Variants in LRRFIP2 observed in about 807,000 individuals in gnomAD.
The protein encoded by LRRFIP2 is LRR binding FLII interacting protein 2.
A neutral mutation model predicts 125.9 loss-of-function variants in LRRFIP2; 109 were observed. That is an observed-to-expected ratio of 0.87 (90% CI 0.74 to 1.01). The LOEUF is 1.01. Ranked by LOEUF, LRRFIP2 falls within the 50% of genes least tolerant of loss-of-function variation. The pLI is 0.00. For synonymous variants in LRRFIP2, 291 were observed against 293.1 expected (o/e 0.99, Z 0.07); for missense variants, 850 against 862.3 (o/e 0.99, Z 0.18).
At chr3:37,071,494 T>C (rs1411874950) in intron 21 of LRRFIP2, among the ~76,000 whole-genome samples, 1 of 152,226 alleles carries the variant, frequency 6.6e-6, no homozygotes, top group African/African-American at 2.4e-5. Context: ...ATTCCAGGCA[T>C]GAGCCTACAA....
In LRRFIP2 at chr3:37,075,055, T is replaced by C; in HGVS notation, c.1340A>G (p.Glu447Gly). ...VLQHKMEELK[E>G]GLRQRDELIE... ...AAGCTCATCTCTTTGCCGCAGGCCTTCTTTAAGTTCTTCCATCTTATGCTG... is the reference window on the plus strand; with the variant it reads ...AAGCTCATCTCTTTGCCGCAGGCCTCCTTTAAGTTCTTCCATCTTATGCTG... Residue 447 changes from glutamate (E) to glycine (G), a missense_variant, in exon 20 of 28, where the codon GAA (glutamate) becomes GGA (glycine). Glu to Gly is a moderately conservative substitution (Grantham distance 98, BLOSUM62 -2). Transcript: ENST00000336686. 6.2e-7 allele frequency: 1 copy of C among 1,613,014 alleles called. No homozygotes were observed. Among genetic ancestry groups the C allele is most frequent in the Non-Finnish European group, 8.5e-7 (1 of 1,179,826 alleles).
At chr3:37,109,831 TTAAGGTAG>T (rs760656494) in intron 9 of LRRFIP2, 128 bp from the exon 10 acceptor site, 3 of 716,796 alleles carry the variant, frequency 4.2e-6, no homozygotes, top group Non-Finnish European at 4.7e-6. Flanking sequence ...TCCTGAGTGC[TTAAGGTAG>T]TTAAGAAACA....
chr3:37,109,386 C>T, intron 11 of LRRFIP2, 141 bp downstream of exon 11: 1 of 861,640 alleles, frequency 1.2e-6, no homozygotes, highest in Non-Finnish European at 1.9e-6. Context: ...ATTTTAAGCA[C>T]AGGCAGCACA....
intron 4 of LRRFIP2, among the ~76,000 whole-genome samples, chr3:37,126,630 G>A (rs535995343): frequency 2.0e-5 from 3 of 151,604 alleles, no homozygotes; most frequent in South Asian, 4.2e-4. Context: ...AGGCCGAGGC[G>A]GGCGGATCAC....
chr3:37,113,063 C>T (rs2094609686), intron 7 of LRRFIP2, 83 bp from the exon 8 acceptor site: 2 of 766,832 alleles, frequency 2.6e-6, no homozygotes, highest in Non-Finnish European at 4.5e-6. Flanking sequence ...AAATTATATA[C>T]ACAAAGGTCT....
intron 1 of LRRFIP2, among the ~76,000 whole-genome samples, chr3:37,167,216 A>G (rs2150357624): frequency 6.6e-6 from 1 of 151,568 alleles, no homozygotes; most frequent in Non-Finnish European, 1.5e-5. Flanking sequence ...AAAAAAAAGA[A>G]AGAAAGAAAG....
intron 6 of LRRFIP2, among the ~76,000 whole-genome samples, chr3:37,120,532 C>G (rs138830676): frequency 2.0e-5 from 3 of 151,838 alleles, no homozygotes; most frequent in African/African-American, 7.2e-5. Flanking sequence ...AGAACATTCA[C>G]CAAGAAAAAC....
chr3:37,115,187 C>A, intron 6 of LRRFIP2, 92 bp from the exon 7 acceptor site: 2 of 839,684 alleles, frequency 2.4e-6, no homozygotes, highest in South Asian at 1.8e-5. Flanking sequence ...TTTTAAAAAT[C>A]CAGCACTATT....
chr3:37,125,250 T>A (rs2095233039), intron 4 of LRRFIP2, among the ~76,000 whole-genome samples: 1 of 152,206 alleles, frequency 6.6e-6, no homozygotes, highest in South Asian at 2.1e-4. Flanking sequence ...AAGTCATTCC[T>A]TCAGTTTCAA....
intron 1 of LRRFIP2, among the ~76,000 whole-genome samples, chr3:37,165,126 T>C (rs1018612988): frequency 6.6e-6 from 1 of 151,642 alleles, no homozygotes; most frequent in African/African-American, 2.4e-5. Flanking sequence ...TTCCAGCTAC[T>C]TGGGAGGCTG....
At chr3:37,162,011 C>T (rs959910308) in intron 1 of LRRFIP2, among the ~76,000 whole-genome samples, 1 of 151,646 alleles carries the variant, frequency 6.6e-6, no homozygotes, top group African/African-American at 2.4e-5. Context: ...AACCTCCTCT[C>T]ATCTCTATCA....
At chr3:37,099,210 T>C (rs2093891720) in intron 15 of LRRFIP2, among the ~76,000 whole-genome samples, 1 of 152,178 alleles carries the variant, frequency 6.6e-6, no homozygotes. Flanking sequence ...AGTTCTCACT[T>C]CTTAGACTTG....
intron 21 of LRRFIP2, among the ~76,000 whole-genome samples, chr3:37,071,163 G>GC (rs2091118687): frequency 6.6e-6 from 1 of 152,156 alleles, no homozygotes; most frequent in East Asian, 1.9e-4. Context: ...TTAATACTCA[G>GC]CAATTTGAAA....
At chr3:37,082,510 A>T (rs567287099) in intron 19 of LRRFIP2, among the ~76,000 whole-genome samples, 143 of 152,312 alleles carry the variant, frequency 9.4e-4, no homozygotes, top group South Asian at 1.9e-3. Flanking sequence ...TCACTGAACC[A>T]ACATTGACAG....
Position 37,148,562 on chromosome 3 carries a change from A to G in LRRFIP2, c.90+332T>C, listed in dbSNP as rs180872421. On this transcript the variant is annotated intron_variant, in intron 2 of 27. Coordinates refer to ENST00000336686, the MANE Select transcript of LRRFIP2 (RefSeq NM_006309.4). ...TGCCAATGCATTTTCTTTCAAAACA[A>G]TGCATAACATTTCTCTAATAAAAAC... is the stretch of plus-strand genomic sequence containing the variant. 9.8e-5 allele frequency among the ~76,000 whole-genome samples: 15 copies of G among 152,322 alleles called. No individual in the cohort carries two copies. The South Asian group carries it at 2.7e-3, about 27-fold the overall frequency.
At chr3:37,160,064 C>T (rs1294122459) in intron 1 of LRRFIP2, among the ~76,000 whole-genome samples, 1 of 151,156 alleles carries the variant, frequency 6.6e-6, no homozygotes, top group African/African-American at 2.4e-5. Flanking sequence ...CTCCAGGTCC[C>T]CTTTCCATTG....
chr3:37,059,667 G>A (rs893006321), intron 24 of LRRFIP2, among the ~76,000 whole-genome samples: 7 of 151,900 alleles, frequency 4.6e-5, no homozygotes, highest in Admixed American at 3.9e-4. Flanking sequence ...CGCGCATGTA[G>A]TCCCAACTAC....
chr3:37,072,789 C>A lies in LRRFIP2; in HGVS notation c.1464+1G>T. On this transcript the variant is annotated splice_donor_variant, in intron 21 of 27. Coordinates refer to ENST00000336686, the MANE Select transcript of LRRFIP2 (RefSeq NM_006309.4). LOFTEE classifies it high-confidence loss of function. ...AACCAAAGCCCAATTTCATTTCATACCCCAATTTTTTTATCTTTCCAAAGA... is the reference window on the plus strand; with the variant it reads ...AACCAAAGCCCAATTTCATTTCATAACCCAATTTTTTTATCTTTCCAAAGA... 1 of 1,601,206 alleles carries A rather than the reference C, an allele frequency of 6.2e-7. No homozygotes were observed. The highest frequency in any genetic ancestry group is 8.6e-7 in the Non-Finnish European group (1 of 1,169,122).
chr3:37,172,194 C>T (rs888655339), intron 1 of LRRFIP2, among the ~76,000 whole-genome samples: 2 of 152,136 alleles, frequency 1.3e-5, no homozygotes, highest in Admixed American at 6.5e-5. Context: ...TGTATAGATA[C>T]TAACTAATGC....
Sources: gnomAD v4.1 joint callset for allele counts (sites outside exome capture counted in the v4.1 genomes callset) on GRCh38, gnomAD v4.1.1 for gene constraint, MANE v1.5 for transcripts, NCBI Gene and HGNC (gene_info 2026-07-23, HGNC 2026-07-21) for gene names.